The following ZNF281 variants were observed in gnomAD, a reference collection of about 807,000 sequenced individuals.
ZNF281 encodes the protein GC-box-binding zinc finger protein 1.
In ZNF281, 2 loss-of-function variants were observed where a neutral mutation model predicts 58.8. That is an observed-to-expected ratio of 0.03 (90% CI 0.01 to 0.11). The LOEUF is 0.11. Among genes scored for constraint, ZNF281 ranks in the 10% least tolerant of loss-of-function variants. The probability of loss-of-function intolerance (pLI) is 1.00; values close to 1 mark genes in which losing one functional copy is unlikely to be tolerated. For missense variants in ZNF281, 975 were observed against 1,090.7 expected, an observed-to-expected ratio of 0.89 and a Z score of 1.49; for synonymous variants, 465 against 407.7, an observed-to-expected ratio of 1.14 and a Z score of -1.69.
At position 200,407,165 on chromosome 1, in the gene ZNF281, C is replaced by T. The variant is rs1654474240; in HGVS notation, c.2541G>A (p.Met847Ile). The change falls in exon 2 of 2, where the codon ATG (methionine) becomes ATA (isoleucine). Residue 847 changes from methionine (M) to isoleucine (I), a missense_variant. Around this residue, in one of 3 missense-constraint regions of ZNF281, gnomAD observed 579 missense variants for 608.9 expected, o/e 0.95. Coordinates refer to ENST00000367353, the MANE Select transcript of ZNF281 (RefSeq NM_001281293.2). Reference protein sequence around the residue: ...SQFKSGSRVPMTFITNSNGEV... With the variant: ...SQFKSGSRVPITFITNSNGEV... Reference sequence around the variant, plus strand: ...CTCCATTAGAGTTAGTGATAAAGGTCATTGGCACCCTGCTGCCCGACTTAA... The same window carrying T: ...CTCCATTAGAGTTAGTGATAAAGGTTATTGGCACCCTGCTGCCCGACTTAA... 6.2e-7 allele frequency: 1 copy of T among 1,614,158 alleles called. No individual in the cohort carries two copies. The highest frequency in any genetic ancestry group is 8.5e-7 in the Non-Finnish European group (1 of 1,180,034).
At position 200,405,677 on chromosome 1, in the gene ZNF281, A is replaced by G. The variant is rs1654429245; in HGVS notation, c.*1341T>C. 1 of 152,222 alleles carries G rather than the reference A, an allele frequency of 6.6e-6. No homozygotes were observed. The highest frequency in any genetic ancestry group is 1.5e-5 in the Non-Finnish European group (1 of 68,038). The allele number at this position is 152,222 out of a possible 1,614,324, so 9.4% of individuals were successfully genotyped here. A position where few individuals can be genotyped will look rare whatever the true frequency, so the allele number is the denominator to read the frequency against. Reference sequence around the variant, plus strand: ...GATGACTTTACAAGACCCCTGTACAATACTAATGCACCCTTTCATTAAAAT... The same window carrying G: ...GATGACTTTACAAGACCCCTGTACAGTACTAATGCACCCTTTCATTAAAAT... On this transcript the variant is annotated 3_prime_UTR_variant, in exon 2 of 2. Transcript: ENST00000367353.
rs575760392 is a variant in ZNF281 at position 200,405,380 on chromosome 1, G to A, written c.*1638C>T. On this transcript the variant is annotated 3_prime_UTR_variant, in exon 2 of 2. Coordinates refer to ENST00000367353, the MANE Select transcript of ZNF281 (RefSeq NM_001281293.2). ...TTTATAACAGAAGTGTTTTACACTT[G>A]CACAATATTAATTACTTTATTATAC... 6.6e-6 allele frequency: 1 copy of A among 152,210 alleles called. No individual in the cohort carries two copies. Among genetic ancestry groups the A allele is most frequent in the African/African-American group, 2.4e-5 (1 of 41,522 alleles). 9.4% of individuals were successfully genotyped at this position (152,210 alleles called of 1,614,324 possible).
rs143393661 is a variant in ZNF281, at chr1:200,405,483, A to G, written c.*1535T>C. ...TACTTTTCTGACGTCAGAAGAGTAC[A>G]TAAGACTGAAACATCACCAAAAGTA... On this transcript the variant is annotated 3_prime_UTR_variant, in exon 2 of 2. Transcript: ENST00000367353. The G allele has an allele frequency of 3.7e-4, 56 of 152,330 alleles. No homozygotes were observed. The highest frequency in any genetic ancestry group is 1.1e-3 in the African/African-American group (46 of 41,580). The allele number at this position is 152,330 out of a possible 1,614,324, so 9.4% of individuals were successfully genotyped here.
Position 200,408,707 on chromosome 1 carries a change from C to T in ZNF281, c.999G>A (p.Glu333=), listed in dbSNP as rs745572517. 18 of 1,614,038 alleles carry T rather than the reference C, an allele frequency of 1.1e-5. No homozygotes were observed. Among genetic ancestry groups the T allele is most frequent in the Admixed American group, 5.0e-5 (3 of 60,002 alleles). ...SMKFIQKYHM[E]RHKRTHSGEK... is the part of the protein sequence containing the mutation. ...CTCCACTATGTGTCCTCTTGTGTCT[C>T]TCCATATGGTACTTCTGAATAAACT... Residue 333 remains glutamate, a synonymous_variant, in exon 2 of 2, where the codon GAG becomes GAA. Coordinates refer to ENST00000367353, the MANE Select transcript of ZNF281 (RefSeq NM_001281293.2).
chr1:200,409,818 C>A, intron 1 of ZNF281, 95 bp from the exon 2 acceptor site: 2 of 1,436,248 alleles, frequency 1.4e-6, no homozygotes, highest in Admixed American at 2.6e-5. Context: ...CCCGCCGCGC[C>A]GCCGCCCAGA....
rs749244217 is a variant in ZNF281, at chr1:200,408,212, T to C, written c.1494A>G (p.Lys498=). ...ATACTATGCCAAGTGAGCCACTTGG[T>C]TTTCCAGACAAGGATTTCTGTCCTA... ...DIVGQKSLSG[K]PSGSLGIVSN... is the part of the protein sequence containing the mutation. Residue 498 remains lysine (K), a synonymous_variant, in exon 2 of 2, where the codon AAA becomes AAG. Transcript: ENST00000367353. 2.5e-6 allele frequency: 4 copies of C among 1,613,098 alleles called. No individual in the cohort carries two copies. The highest frequency in any genetic ancestry group is 2.7e-5 in the African/African-American group (2 of 75,052).
Position 200,409,488 on chromosome 1 carries a change from G to T in ZNF281, c.218C>A (p.Pro73His). 6.5e-7 allele frequency: 1 copy of T among 1,548,386 alleles called. No homozygotes were observed. Among genetic ancestry groups the T allele is most frequent in the Non-Finnish European group, 8.7e-7 (1 of 1,145,820 alleles). The stretch of plus-strand genomic sequence containing the variant: ...AGAGGAGGATAACACGCATTGCGGG[G>T]GAGGGGCGGCCGACCCCGCCGGCCG... ...FTRPAGSAAP[P>H]PQCVLSSSTS... Residue 73 changes from proline to histidine, a missense_variant, in exon 2 of 2, where the codon CCC (proline) becomes CAC (histidine). Pro to His is a moderately conservative substitution (Grantham distance 77, BLOSUM62 -2). Transcript: ENST00000367353.
Position 200,409,722 on chromosome 1 carries a change from G to A in ZNF281, c.-17C>T, listed in dbSNP as rs1420061613. 6.9e-6 allele frequency: 11 copies of A among 1,593,720 alleles called. No individual in the cohort carries two copies. Among genetic ancestry groups the A allele is most frequent in the African/African-American group, 1.3e-5 (1 of 74,090 alleles). On this transcript the variant is annotated splice_region_variant and 5_prime_UTR_variant, in exon 2 of 2. Transcript: ENST00000367353. ...GATTTTCATACCCCGGAGGAGGCCT[G>A]GCTGAAGAAAGGAGGAGGAAGAGGG...
In ZNF281 at chr1:200,407,399, T is replaced by A; in HGVS notation, c.2307A>T (p.Ile769=). 1 of 1,614,146 alleles carries A rather than the reference T, an allele frequency of 6.2e-7. No homozygotes were observed. The highest frequency in any genetic ancestry group is 8.5e-7 in the Non-Finnish European group (1 of 1,180,030). ...LTPSQELDDL[I]DSQKNLETSS... ...AAGTCTCTAAGTTCTTCTGAGAATC[T>A]ATCAGATCATCCAGCTCCTGGGAAG... The change falls in exon 2 of 2, where the codon ATA becomes ATT. Residue 769 remains isoleucine (I), a synonymous_variant. Coordinates refer to ENST00000367353, the MANE Select transcript of ZNF281 (RefSeq NM_001281293.2).
rs763907090 is a variant in ZNF281 at position 200,408,913 on chromosome 1, G to A, written c.793C>T (p.His265Tyr). ...GAGCTTCGGAAAGCAGCACTACAGTGATCACAGATATGAGGTTTCTGACTT... is the reference window on the plus strand; with the variant it reads ...GAGCTTCGGAAAGCAGCACTACAGTAATCACAGATATGAGGTTTCTGACTT... ...SPSQKPHICD[H>Y]CSAAFRSSYH... The change falls in exon 2 of 2, where the codon CAC becomes TAC. Residue 265 changes from histidine (H) to tyrosine (Y), a missense_variant. His to Tyr is a moderately conservative substitution (Grantham distance 83). This residue lies in a region of ZNF281 where 370 missense variants were observed against 360.9 expected (regional missense o/e 1.03). Transcript: ENST00000367353. 43 of 1,614,112 alleles carry A rather than the reference G, an allele frequency of 2.7e-5. No individual in the cohort carries two copies. Among genetic ancestry groups the A allele is most frequent in the Non-Finnish European group, 3.6e-5 (43 of 1,180,052 alleles).
Position 200,407,808 on chromosome 1 carries a change from A to T in ZNF281, c.1898T>A (p.Val633Glu), listed in dbSNP as rs1268368515. ...GTGTTCTCCTGAGGTGTGTAAATCCACTCGTGGTTCTGCAATATTGAAAGG... is the reference window on the plus strand; with the variant it reads ...GTGTTCTCCTGAGGTGTGTAAATCCTCTCGTGGTTCTGCAATATTGAAAGG... ...EDPFNIAEPRVDLHTSGEHSE... is the reference protein window; with the variant it reads ...EDPFNIAEPREDLHTSGEHSE... The change falls in exon 2 of 2, where the codon GTG (valine) becomes GAG (glutamate). Residue 633 changes from valine (V) to glutamate (E), a missense_variant. Transcript: ENST00000367353. 6.2e-7 allele frequency: 1 copy of T among 1,613,800 alleles called. No homozygotes were observed. The highest frequency in any genetic ancestry group is 8.5e-7 in the Non-Finnish European group (1 of 1,179,988).
At position 200,409,601 on chromosome 1, in the gene ZNF281, G is replaced by A. The variant is rs1654561177; in HGVS notation, c.105C>T (p.Ser35=). The change falls in exon 2 of 2, where the codon AGC becomes AGT. Residue 35 remains serine (S), a synonymous_variant. Transcript: ENST00000367353. ...GTTCCATCTCTGCCCTCCTGCCGCT[G>A]CTGCCGCCGCCGCCGCCGCCGCCAC... is the stretch of plus-strand genomic sequence containing the variant. The part of the protein sequence containing the change: ...GGSGGGGGGG[S]SGRRAEMEPT... 1 of 1,549,098 alleles carries A rather than the reference G, an allele frequency of 6.5e-7. No individual in the cohort carries two copies. Among genetic ancestry groups the A allele is most frequent in the Non-Finnish European group, 8.7e-7 (1 of 1,146,950 alleles).
In ZNF281 at chr1:200,405,135, TTGTACTC is replaced by T. The variant is rs1344503022; in HGVS notation, c.*1876_*1882del. On this transcript the variant is annotated 3_prime_UTR_variant, in exon 2 of 2. Transcript: ENST00000367353. ...GTCCTCTCCATCCTTTGATTACAGCTTGTACTCTGTACTCAATAGAACTTACCGCACT... is the reference window on the plus strand; with the variant it reads ...GTCCTCTCCATCCTTTGATTACAGCTTGTACTCAATAGAACTTACCGCACT... 20 of 152,604 alleles carry T rather than the reference TTGTACTC, an allele frequency of 1.3e-4. No homozygotes were observed. Among genetic ancestry groups the T allele is most frequent in the Non-Finnish European group, 1.2e-4 (8 of 68,044 alleles). The allele number at this position is 152,604 out of a possible 1,614,324, so 9.5% of individuals were successfully genotyped here. A position where few individuals can be genotyped will look rare whatever the true frequency, so the allele number is the denominator to read the frequency against.
At position 200,409,970 on chromosome 1, in the gene ZNF281, C is replaced by T. The variant is rs1654577800; in HGVS notation, c.-43G>A. ...CGGGTCCCGCCGCCGCCGCAGCCGC[C>T]GTCGCCTCCAGTTAATAAAAATAAC... On this transcript the variant is annotated 5_prime_UTR_variant, in exon 1 of 2. Transcript: ENST00000367353. 6.7e-6 allele frequency: 4 copies of T among 597,098 alleles called. No individual in the cohort carries two copies. The highest frequency in any genetic ancestry group is 4.0e-5 in the South Asian group (2 of 49,704). 37.0% of individuals were successfully genotyped at this position (597,098 alleles called of 1,614,324 possible). A position where few individuals can be genotyped will look rare whatever the true frequency, so the allele number is the denominator to read the frequency against.
At position 200,409,431 on chromosome 1, in the gene ZNF281, G is replaced by A. The variant is rs916678469; in HGVS notation, c.275C>T (p.Pro92Leu). 1 of 1,517,368 alleles carries A rather than the reference G, an allele frequency of 6.6e-7. No individual in the cohort carries two copies. Among genetic ancestry groups the A allele is most frequent in the Non-Finnish European group, 8.9e-7 (1 of 1,129,500 alleles). 94.0% of individuals were successfully genotyped at this position (1,517,368 alleles called of 1,614,324 possible). A position where few individuals can be genotyped will look rare whatever the true frequency, so the allele number is the denominator to read the frequency against. ...TSAAPAAEPP[P>L]PPAPDMTFKK... ...GAAAGTCATGTCCGGGGCTGGCGGA[G>A]GGGGGGGCTCAGCGGCCGGGGCTGC... is the stretch of plus-strand genomic sequence containing the variant. The change falls in exon 2 of 2, where the codon CCT becomes CTT. Residue 92 changes from proline to leucine, a missense_variant. By Grantham distance (98) the Pro-to-Leu change is moderately conservative. This residue lies in a region of ZNF281 where 370 missense variants were observed against 360.9 expected (regional missense o/e 1.03). Transcript: ENST00000367353.
chr1:200,410,000 T>C lies in ZNF281; in HGVS notation c.-73A>G. The C allele has an allele frequency of 1.8e-6, 1 of 562,628 alleles. No homozygotes were observed. Among genetic ancestry groups the C allele is most frequent in the Admixed American group, 3.2e-5 (1 of 31,380 alleles). The allele number at this position is 562,628 out of a possible 1,614,324, so 34.9% of individuals were successfully genotyped here. On this transcript the variant is annotated 5_prime_UTR_variant, in exon 1 of 2. Transcript: ENST00000367353. ...CCTCCAGTTAATAAAAATAACGCCG[T>C]CCTCTCCACAATGGAATTAAAAGCC...
chr1:200,409,310 G>C lies in ZNF281; in HGVS notation c.396C>G (p.Pro132=), dbSNP rs576158543. 1.4e-5 allele frequency: 23 copies of C among 1,599,502 alleles called. 1 individual carries two copies. In the South Asian group the frequency reaches 2.3e-4, roughly 16 times the overall value. The change falls in exon 2 of 2, where the codon CCC becomes CCG. Residue 132 remains proline (P), a synonymous_variant. Coordinates refer to ENST00000367353, the MANE Select transcript of ZNF281 (RefSeq NM_001281293.2). ...GGGACTGCTGCTCCTCAGGATCCGC[G>C]GGTTTCTCCTGTTTGATGCTAACCA... The part of the protein sequence containing the change: ...QSLVSIKQEK[P]ADPEEQQSHH...
Position 200,407,075 on chromosome 1 carries a change from A to G in ZNF281, c.2631T>C (p.Asp877=), listed in dbSNP as rs753238908. 2.5e-6 allele frequency: 4 copies of G among 1,613,972 alleles called. No individual in the cohort carries two copies. In the African/African-American group the frequency reaches 5.3e-5, roughly 22 times the overall value. The part of the protein sequence containing the change: ...DFSGYTNMMS[D]VSEPCSTRVK... ...CTCTTGTACTACATGGCTCACTTAC[A>G]TCAGACATCATATTTGTATACCCTG... The change falls in exon 2 of 2, where the codon GAT becomes GAC. Residue 877 remains aspartate (D), a synonymous_variant. Coordinates refer to ENST00000367353, the MANE Select transcript of ZNF281 (RefSeq NM_001281293.2).
chr1:200,409,083 C>T lies in ZNF281; in HGVS notation c.623G>A (p.Gly208Asp). Residue 208 changes from glycine to aspartate, a missense_variant, in exon 2 of 2, where the codon GGC becomes GAC. By Grantham distance (94) the Gly-to-Asp change is moderately conservative. This residue lies in a region of ZNF281 where 370 missense variants were observed against 360.9 expected (regional missense o/e 1.03). Transcript: ENST00000367353. Reference protein sequence around the residue: ...SSSSRTDDHHGTEEPKQDTNV... With the variant: ...SSSSRTDDHHDTEEPKQDTNV... ...AGTGTCCTGCTTTGGCTCCTCAGTG[C>T]CATGGTGGTCATCAGTCCTGCTACT... 3 of 1,614,140 alleles carry T rather than the reference C, an allele frequency of 1.9e-6. No homozygotes were observed. The highest frequency in any genetic ancestry group is 2.5e-6 in the Non-Finnish European group (3 of 1,180,024).
Sources: gnomAD v4.1 joint callset for allele counts on GRCh38, gnomAD v4.1.1 for gene constraint, gnomAD v4.1.1 regional missense constraint, MANE v1.5 for transcripts, NCBI Gene and HGNC (gene_info 2026-07-23, HGNC 2026-07-21) for gene names.